Variants in RHPN1 observed in about 807,000 individuals in gnomAD.
RHPN1 encodes rhophilin-1.
Under a neutral mutation model 74.7 loss-of-function variants are expected in RHPN1, and 77 were observed. The observed-to-expected ratio is 1.03, with a 90% confidence interval of 0.86 to 1.25. The LOEUF (loss-of-function observed/expected upper bound fraction) is 1.25, where lower values mean the gene tolerates loss of function less well. Among genes scored for constraint, RHPN1 ranks in the 50% most tolerant of loss-of-function variants. RHPN1 has a pLI of 0.00. For synonymous variants in RHPN1, 444 were observed against 414.5 expected (o/e 1.07, Z -0.87); for missense variants, 987 against 932.2 (o/e 1.06, Z -0.77).
At chr8:143,364,514 G>A (rs530388544), upstream of RHPN1, among the ~76,000 whole-genome samples, 2 of 152,136 alleles carry the variant, frequency 1.3e-5, no homozygotes, top group African/African-American at 4.8e-5. This position sits in a 1 kb window ranked among gnomAD's most constrained non-coding sequence, Gnocchi z 4.5. Context: ...CCCAGAAGAT[G>A]AGGGCTTTAA....
chr8:143,383,448 C>T lies in RHPN1; in HGVS notation c.*797C>T, dbSNP rs908875338. On this transcript the variant is annotated 3_prime_UTR_variant, in exon 15 of 15. Coordinates refer to ENST00000289013, the MANE Select transcript of RHPN1 (RefSeq NM_052924.3). ...CCTCCCCAGCCTGCTTGGGCCGCTC[C>T]TGCTGGCCTCCACAGGCCGTGAGCT... 4.6e-5 allele frequency: 7 copies of T among 152,332 alleles called. No individual in the cohort carries two copies. Among genetic ancestry groups the T allele is most frequent in the African/African-American group, 1.7e-4 (7 of 41,464 alleles). The allele number at this position is 152,332 out of a possible 1,614,324, so 9.4% of individuals were successfully genotyped here. A position where few individuals can be genotyped will look rare whatever the true frequency, so the allele number is the denominator to read the frequency against.
chr8:143,379,674 G>A, intron 8 of RHPN1, 155 bp from the exon 9 acceptor site: 2 of 985,424 alleles, frequency 2.0e-6, no homozygotes, highest in Non-Finnish European at 2.4e-6. Context: ...GGGGACCCGA[G>A]CCTCTGCCTC....
At chr8:143,369,416 G>C (rs1196002504) in intron 1 of RHPN1, among the ~76,000 whole-genome samples, 3 of 152,186 alleles carry the variant, frequency 2.0e-5, no homozygotes, top group Non-Finnish European at 2.9e-5. Context: ...TCCCTAGTTC[G>C]GTCCTCCCTC....
intron 1 of RHPN1, among the ~76,000 whole-genome samples, chr8:143,370,452 A>G (rs1817751411): frequency 6.6e-6 from 1 of 151,932 alleles, no homozygotes; most frequent in South Asian, 2.1e-4. Context: ...GGCCTGTTCC[A>G]CCCCCATCAG....
chr8:143,375,527 T>G (rs759869939), intron 1 of RHPN1, 26 bp from the exon 2 acceptor site: 2 of 1,531,366 alleles, frequency 1.3e-6, no homozygotes, highest in Non-Finnish European at 8.8e-7. Context: ...GGGGTCGGGC[T>G]GTGATCGCCT....
intron 7 of RHPN1, 100 bp from the exon 8 acceptor site, chr8:143,379,215 G>A: frequency 7.1e-7 from 1 of 1,399,090 alleles, no homozygotes; most frequent in Non-Finnish European, 9.5e-7. Context: ...AGGTCCATAT[G>A]TGTCCCAGGA....
intron 1 of RHPN1, among the ~76,000 whole-genome samples, chr8:143,370,513 G>A (rs971490423): frequency 1.3e-5 from 2 of 152,230 alleles, no homozygotes; most frequent in Non-Finnish European, 2.9e-5. Context: ...GTCAGGGGTC[G>A]GTCGTTCATC....
At position 143,380,063 on chromosome 8, in the gene RHPN1, A is replaced by G; in HGVS notation, c.1104A>G (p.Pro368=). 2 of 1,545,616 alleles carry G rather than the reference A, an allele frequency of 1.3e-6. No homozygotes were observed. Among genetic ancestry groups the G allele is most frequent in the Non-Finnish European group, 1.7e-6 (2 of 1,144,928 alleles). Residue 368 remains proline, a splice_region_variant and synonymous_variant, in exon 10 of 15, where the codon CCA becomes CCG. Transcript: ENST00000289013. The part of the protein sequence containing the change: ...HVAMALCDGS[P]ATEGELPTHE... ...GCTCACAGCCTCTCTGTCCCCCAGC[A>G]GCGACCGAGGGAGAGCTCCCCACGC...
intron 11 of RHPN1, among the ~76,000 whole-genome samples, 166 bp downstream of exon 11, chr8:143,380,949 C>T (rs1054265049): frequency 6.6e-6 from 1 of 152,250 alleles, no homozygotes; most frequent in African/African-American, 2.4e-5. Context: ...AGCTGCTGGG[C>T]CCTTCAGGGG....
chr8:143,375,644 G>A lies in RHPN1; in HGVS notation c.152G>A (p.Arg51Gln), dbSNP rs377496691. 5.3e-5 allele frequency: 86 copies of A among 1,608,122 alleles called. No individual in the cohort carries two copies. Among genetic ancestry groups the A allele is most frequent in the Admixed American group, 2.0e-4 (12 of 58,968 alleles). The change falls in exon 2 of 15, where the codon CGG becomes CAG. Residue 51 changes from arginine to glutamine, a missense_variant. Transcript: ENST00000289013. Reference protein sequence around the residue: ...HQQIDKELQMRTGAENLYRAT... With the variant: ...HQQIDKELQMQTGAENLYRAT... ...CAGATTGACAAGGAGCTGCAGATGC[G>A]GACGGGCGCTGAGAACCTCTACAGG...
rs1160831688 is a variant in RHPN1 at position 143,381,660 on chromosome 8, C to T, written c.1577C>T (p.Thr526Met). The change falls in exon 13 of 15, where the codon ACG becomes ATG. Residue 526 changes from threonine (T) to methionine (M), a missense_variant. By Grantham distance (81) the Thr-to-Met change is moderately conservative (BLOSUM62 -1). Transcript: ENST00000289013. ...CGAGGAGAGGGCGGCTTTGGCCTCA[C>T]GCTTCGGGGAGACTCGCCTGTCCTC... ...LTRGEGGFGLTLRGDSPVLIA... is the reference protein window; with the variant it reads ...LTRGEGGFGLMLRGDSPVLIA... 3.7e-6 allele frequency: 6 copies of T among 1,611,410 alleles called. No individual in the cohort carries two copies. Among genetic ancestry groups the T allele is most frequent in the East Asian group, 2.2e-5 (1 of 44,872 alleles).
At chr8:143,376,708 T>TGC in intron 3 of RHPN1, 55 bp downstream of exon 3, 1 of 1,507,248 alleles carries the variant, frequency 6.6e-7, no homozygotes. Flanking sequence ...CGTGTGCGTG[T>TGC]GTGTGTGCAT....
chr8:143,376,430 G>A, intron 2 of RHPN1, 95 bp from the exon 3 acceptor site: 1 of 1,541,280 alleles, frequency 6.5e-7, no homozygotes, highest in Non-Finnish European at 8.8e-7. Flanking sequence ...TGGGCTTGGA[G>A]CTTTGACAGG....
intron 1 of RHPN1, among the ~76,000 whole-genome samples, chr8:143,370,052 C>T (rs1338723041): frequency 6.6e-6 from 1 of 152,224 alleles, no homozygotes; most frequent in Non-Finnish European, 1.5e-5. Flanking sequence ...GCAGCCTGTG[C>T]CTGCCCCCTA....
At position 143,382,625 on chromosome 8, in the gene RHPN1, T is replaced by C; in HGVS notation, c.1987T>C (p.Ser663Pro). Residue 663 changes from serine to proline, a missense_variant, in exon 15 of 15, where the codon TCC becomes CCC. By Grantham distance (74) the Ser-to-Pro change is moderately conservative (BLOSUM62 -1). Coordinates refer to ENST00000289013, the MANE Select transcript of RHPN1 (RefSeq NM_052924.3). Reference protein sequence around the residue: ...CAPVKPAPPSSLKHPGWP With the variant: ...CAPVKPAPPSPLKHPGWP ...CCCAGTGAAGCCAGCTCCGCCCTCA[T>C]CCTTGAAGCACCCAGGGTGGCCGTG... The C allele has an allele frequency of 6.2e-7, 1 of 1,610,346 alleles. No individual in the cohort carries two copies. Among genetic ancestry groups the C allele is most frequent in the Non-Finnish European group, 8.5e-7 (1 of 1,179,634 alleles).
At chr8:143,371,795 G>C (rs548881290) in intron 1 of RHPN1, among the ~76,000 whole-genome samples, 3 of 152,358 alleles carry the variant, frequency 2.0e-5, no homozygotes, top group African/African-American at 7.2e-5. Flanking sequence ...CACCGTGGAC[G>C]TGGGGGTGGG....
upstream of RHPN1, among the ~76,000 whole-genome samples, chr8:143,364,567 C>T (rs914087154): frequency 2.6e-5 from 4 of 151,666 alleles, no homozygotes; most frequent in Admixed American, 6.6e-5. The surrounding 1 kb of genome is among the most constrained non-coding windows in gnomAD (Gnocchi z 4.5). Context: ...ACCATGCTCC[C>T]GGCAAGCTAA....
chr8:143,379,671 C>T (rs889869283), intron 8 of RHPN1, 158 bp from the exon 9 acceptor site: 18 of 985,268 alleles, frequency 1.8e-5, no homozygotes, highest in African/African-American at 8.7e-5. Context: ...CCTGGGGACC[C>T]GAGCCTCTGC....
At chr8:143,369,146 T>G in intron 1 of RHPN1, 99 bp downstream of exon 1, 1 of 905,464 alleles carries the variant, frequency 1.1e-6, no homozygotes, top group Non-Finnish European at 1.5e-6. Flanking sequence ...CTCCTACGTC[T>G]CATTCGGCCC....
Sources: gnomAD v4.1 joint callset for allele counts (sites outside exome capture counted in the v4.1 genomes callset) on GRCh38, gnomAD v4.1.1 for gene constraint, Gnocchi (gnomAD v3.1) non-coding constraint, MANE v1.5 for transcripts, NCBI Gene and HGNC (gene_info 2026-07-23, HGNC 2026-07-21) for gene names.